ERC2: variants seen among roughly 807,000 people sequenced by gnomAD.
ERC2 encodes ELKS/RAB6-interacting/CAST family member 2.
Under a neutral mutation model 114.8 loss-of-function variants are expected in ERC2, and 42 were observed. The observed-to-expected ratio is 0.37, with a 90% CI of 0.29 to 0.47. The LOEUF is 0.47. ERC2 is among the 20% of genes least tolerant of loss of function. The pLI, the probability that ERC2 is intolerant of heterozygous loss-of-function variation, is 0.99. For synonymous variants in ERC2, 454 were observed against 425.5 expected, an observed-to-expected ratio of 1.07 and a Z score of -0.82; for missense variants, 939 against 1,150.7, an observed-to-expected ratio of 0.82 and a Z score of 2.66.
intron 2 of ERC2, among the ~76,000 whole-genome samples, chr3:56,346,418 C>T (rs1006020938): frequency 2.6e-5 from 4 of 151,970 alleles, no homozygotes; most frequent in East Asian, 3.9e-4. Flanking sequence ...AAACATAAGA[C>T]CTTGTATTAG....
At chr3:56,376,762 CAAAA>C (rs5849150) in intron 2 of ERC2, among the ~76,000 whole-genome samples, 1 of 143,034 alleles carries the variant, frequency 7.0e-6, no homozygotes, top group Non-Finnish European at 1.5e-5. Flanking sequence ...GACTCTGTCT[CAAAA>C]AAAAAAAAAA....
rs938962772 is a variant in ERC2 at position 55,548,872 on chromosome 3, G to A, written c.*40-37596C>T. Among the ~76,000 whole-genome samples, 5 of 152,252 alleles carry A rather than the reference G, an allele frequency of 3.3e-5. No homozygotes were observed. In the East Asian group the frequency reaches 9.6e-4, roughly 29 times the overall value. ...GAGACAGCCACCACCTCTCCCTCCA[G>A]CCAATGTTGTTTTTCAGAAATGGAG... On this transcript the variant is annotated intron_variant, in intron 17 of 17. Transcript: ENST00000288221.
intron 2 of ERC2, among the ~76,000 whole-genome samples, chr3:56,307,989 C>T (rs1019870801): frequency 6.6e-6 from 1 of 152,284 alleles, no homozygotes; most frequent in South Asian, 2.1e-4. Context: ...GAACAGGTTT[C>T]CATTCCTCTT....
intron 2 of ERC2, among the ~76,000 whole-genome samples, chr3:56,335,394 G>A (rs1182400290): frequency 4.6e-5 from 7 of 152,164 alleles, no homozygotes; most frequent in Non-Finnish European, 4.4e-5. Flanking sequence ...CCAAAAAGAC[G>A]TGATGATTTT....
At chr3:56,436,938 C>T (rs2062047324) in intron 1 of ERC2, among the ~76,000 whole-genome samples, 2 of 152,180 alleles carry the variant, frequency 1.3e-5, no homozygotes. Context: ...TAGAAGTTAC[C>T]ATCATCTATC....
intron 17 of ERC2, among the ~76,000 whole-genome samples, chr3:55,630,461 G>A (rs1473979706): frequency 4.6e-5 from 7 of 152,268 alleles, no homozygotes; most frequent in Non-Finnish European, 4.4e-5. Flanking sequence ...GAGCCACCAC[G>A]CCCGGCCAAT....
At chr3:55,888,079 C>A (rs981626037) in intron 14 of ERC2, among the ~76,000 whole-genome samples, 2 of 152,218 alleles carry the variant, frequency 1.3e-5, no homozygotes, top group African/African-American at 4.8e-5. Flanking sequence ...CTTAACGGGG[C>A]CTCCATCTCT....
At chr3:55,799,401 A>G (rs1283007673) in intron 14 of ERC2, among the ~76,000 whole-genome samples, 1 of 139,070 alleles carries the variant, frequency 7.2e-6, no homozygotes, top group Admixed American at 7.0e-5. Flanking sequence ...ATATGCATAT[A>G]TATATATGCC....
intron 3 of ERC2, among the ~76,000 whole-genome samples, chr3:56,186,114 TAAAAAA>T (rs201544979): frequency 8.3e-4 from 85 of 102,536 alleles, no homozygotes; most frequent in East Asian, 2.7e-3. Flanking sequence ...TCAAGAACCT[TAAAAAA>T]AAAAAAAAAA....
At chr3:55,535,996 T>A (rs1001788571) in intron 17 of ERC2, among the ~76,000 whole-genome samples, 8 of 152,108 alleles carry the variant, frequency 5.3e-5, no homozygotes, top group African/African-American at 1.9e-4. Flanking sequence ...CAAAACTCCA[T>A]CTCAAAAACA....
At chr3:55,909,812 G>C (rs565372145) in intron 13 of ERC2, among the ~76,000 whole-genome samples, 108 of 152,236 alleles carry the variant, frequency 7.1e-4, no homozygotes, top group African/African-American at 2.4e-3. Context: ...GATGAGGTGA[G>C]GGGTTGTCAA....
intron 14 of ERC2, among the ~76,000 whole-genome samples, chr3:55,877,295 C>A (rs532173324): frequency 6.6e-6 from 1 of 152,188 alleles, no homozygotes; most frequent in South Asian, 2.1e-4. Flanking sequence ...ATAGGTAAAA[C>A]CACCCCCAAT....
At chr3:56,380,495 C>G (rs911468374) in intron 2 of ERC2, among the ~76,000 whole-genome samples, 1 of 151,968 alleles carries the variant, frequency 6.6e-6, no homozygotes, top group Non-Finnish European at 1.5e-5. Context: ...TTTGTGTCTC[C>G]TTTCCACCTT....
At chr3:55,909,630 GGA>G (rs2064682795) in intron 13 of ERC2, among the ~76,000 whole-genome samples, 1 of 152,030 alleles carries the variant, frequency 6.6e-6, no homozygotes, top group African/African-American at 2.4e-5. Context: ...GCCATGGGAG[GGA>G]GTGTGTCAGC....
chr3:55,628,788 T>C (rs1425542658), intron 17 of ERC2, among the ~76,000 whole-genome samples: 1 of 152,236 alleles, frequency 6.6e-6, no homozygotes, highest in African/African-American at 2.4e-5. Flanking sequence ...AATGAGCTGG[T>C]TGAATCCAAT....
At chr3:55,772,957 C>T (rs903897088) in intron 14 of ERC2, among the ~76,000 whole-genome samples, 1 of 152,216 alleles carries the variant, frequency 6.6e-6, no homozygotes, top group Admixed American at 6.5e-5. Flanking sequence ...ACGCACCACC[C>T]CACTGCCAAG....
rs544408011 is a variant in ERC2 at position 55,718,049 on chromosome 3, T to G, written c.2712+16722A>C. The stretch of plus-strand genomic sequence containing the variant: ...CTCAACAGAAGCTGAAAATTAGGTG[T>G]GGCTAAGAAGACAGGATCAGGCTTT... On this transcript the variant is annotated intron_variant, in intron 15 of 17. Transcript: ENST00000288221. Among the ~76,000 whole-genome samples, 9 of 152,320 alleles carry G rather than the reference T, an allele frequency of 5.9e-5. No individual in the cohort carries two copies. In the South Asian group the frequency reaches 1.9e-3, roughly 32 times the overall value.
chr3:56,293,513 T>G (rs1245710147), intron 3 of ERC2, among the ~76,000 whole-genome samples: 2 of 152,228 alleles, frequency 1.3e-5, no homozygotes, highest in Admixed American at 1.3e-4. Flanking sequence ...ATTTAACAAA[T>G]GGCTCTCACA....
chr3:56,045,003 A>G (rs1425253341), intron 7 of ERC2, among the ~76,000 whole-genome samples: 1 of 152,222 alleles, frequency 6.6e-6, no homozygotes, highest in Non-Finnish European at 1.5e-5. Context: ...AACATGTGCT[A>G]GAAATAGAAA....
Sources: gnomAD v4.1 joint callset for allele counts (sites outside exome capture counted in the v4.1 genomes callset) on GRCh38, gnomAD v4.1.1 for gene constraint, MANE v1.5 for transcripts, NCBI Gene and HGNC (gene_info 2026-07-23, HGNC 2026-07-21) for gene names.